Variants in SPATA6 observed in about 807,000 individuals in gnomAD.
SPATA6 encodes spermatogenesis associated 6.
SPATA6 carries 56 observed loss-of-function variants against 65.3 expected under a neutral mutation model. The observed-to-expected ratio is 0.86, with a 90% CI of 0.69 to 1.07. The LOEUF is 1.07. Among genes scored for constraint, SPATA6 ranks in the 50% least tolerant of loss-of-function variants. The probability of loss-of-function intolerance (pLI) is 0.00; values close to 1 mark genes in which losing one functional copy is unlikely to be tolerated. For missense variants in SPATA6, 590 were observed against 594.8 expected (o/e 0.99, Z 0.08); for synonymous variants, 199 against 213.2 (o/e 0.93, Z 0.58).
chr1:48,303,841 C>G (rs1421406305), intron 12 of SPATA6, among the ~76,000 whole-genome samples: 2 of 152,118 alleles, frequency 1.3e-5, no homozygotes, highest in African/African-American at 4.8e-5. Context: ...TCCAAGAGTT[C>G]TTAAATTGTT....
chr1:48,339,552 G>C (rs1646150558), intron 11 of SPATA6, among the ~76,000 whole-genome samples: 1 of 151,816 alleles, frequency 6.6e-6, no homozygotes, highest in African/African-American at 2.4e-5. Context: ...GAAAGTTTAA[G>C]ACTTGGAAAA....
At chr1:48,354,289 T>C (rs115677842) in intron 11 of SPATA6, among the ~76,000 whole-genome samples, 136 of 152,232 alleles carry the variant, frequency 8.9e-4, no homozygotes, top group African/African-American at 3.1e-3. Context: ...CCCACATTGG[T>C]AGTGGGAGTG....
At chr1:48,271,199 C>T in the SPATA6 span, among the ~76,000 whole-genome samples, 1 of 152,146 alleles carries the variant, frequency 6.6e-6, no homozygotes, top group African/African-American at 2.4e-5. Flanking sequence ...TAACATTATA[C>T]TTATCACCCC....
chr1:48,327,438 G>A (rs1231505338), intron 11 of SPATA6, among the ~76,000 whole-genome samples: 1 of 152,170 alleles, frequency 6.6e-6, no homozygotes, highest in African/African-American at 2.4e-5. Flanking sequence ...ACAGTATGGT[G>A]ACATGTTAAA....
chr1:48,357,369 C>T (rs760491909), intron 10 of SPATA6, among the ~76,000 whole-genome samples: 18 of 151,700 alleles, frequency 1.2e-4, no homozygotes, highest in Non-Finnish European at 4.4e-5. Flanking sequence ...TAAATGGGCA[C>T]AAAGCAAAAA....
intron 7 of SPATA6, among the ~76,000 whole-genome samples, chr1:48,398,238 G>C (rs1223877435): frequency 6.8e-6 from 1 of 146,500 alleles, no homozygotes; most frequent in African/African-American, 2.5e-5. Flanking sequence ...CCACTTAAAA[G>C]TATCCATTAT....
chr1:48,321,758 CAT>C (rs1385147120), intron 11 of SPATA6, among the ~76,000 whole-genome samples: 3 of 152,102 alleles, frequency 2.0e-5, no homozygotes, highest in African/African-American at 4.8e-5. Context: ...AAGGGTGAAT[CAT>C]ATGTCAGGCC....
At chr1:48,339,394 A>G (rs577818232) in intron 11 of SPATA6, among the ~76,000 whole-genome samples, 1 of 152,114 alleles carries the variant, frequency 6.6e-6, no homozygotes, top group East Asian at 1.9e-4. Context: ...AGTGGTACAC[A>G]AAGAGTCAGG....
chr1:48,349,373 C>A (rs1646455626), intron 11 of SPATA6, among the ~76,000 whole-genome samples: 1 of 151,930 alleles, frequency 6.6e-6, no homozygotes, highest in South Asian at 2.1e-4. Flanking sequence ...TTAGCCTTAC[C>A]ATATGCATTT....
At chr1:48,414,235 T>A (rs188324689) in intron 3 of SPATA6, among the ~76,000 whole-genome samples, 71 of 152,322 alleles carry the variant, frequency 4.7e-4, no homozygotes, top group African/African-American at 1.6e-3. Flanking sequence ...GGAGTTCTAC[T>A]AGGTTCTCAC....
At chr1:48,403,126 C>T (rs1388645301) in intron 6 of SPATA6, among the ~76,000 whole-genome samples, 1 of 152,032 alleles carries the variant, frequency 6.6e-6, no homozygotes, top group African/African-American at 2.4e-5. Context: ...CATGCCACTG[C>T]ACTCTACCCT....
intron 9 of SPATA6, among the ~76,000 whole-genome samples, chr1:48,374,062 A>G (rs1570359991): frequency 6.6e-6 from 1 of 152,342 alleles, no homozygotes; most frequent in East Asian, 1.9e-4. Flanking sequence ...GCTTAGAAGT[A>G]TGGGAAAGTG....
the SPATA6 span, among the ~76,000 whole-genome samples, chr1:48,267,220 G>A: frequency 5.2e-4 from 79 of 152,208 alleles, no homozygotes; most frequent in African/African-American, 1.8e-3. Flanking sequence ...CGGGCAGGTC[G>A]TGAGGCGGGC....
chr1:48,339,487 A>C (rs752305282), intron 11 of SPATA6, among the ~76,000 whole-genome samples: 41 of 152,160 alleles, frequency 2.7e-4, no homozygotes, highest in Admixed American at 4.6e-4. Flanking sequence ...AAGATCTTTA[A>C]AGTAATTAGG....
intron 3 of SPATA6, chr1:48,447,969 G>C (rs1214224063): frequency 6.6e-6 from 1 of 152,094 alleles, no homozygotes; most frequent in Admixed American, 6.6e-5. Context: ...CAGCCAATGA[G>C]ATTTATCCAA....
intron 3 of SPATA6, among the ~76,000 whole-genome samples, chr1:48,446,456 G>C (rs901053451): frequency 6.6e-6 from 1 of 152,166 alleles, no homozygotes; most frequent in Non-Finnish European, 1.5e-5. Context: ...GAAGCTACAA[G>C]GGCTTCAGAA....
chr1:48,285,448 C>G, the SPATA6 span, among the ~76,000 whole-genome samples: 1 of 147,866 alleles, frequency 6.8e-6, no homozygotes, highest in Non-Finnish European at 1.5e-5. Context: ...GGTTGTGTCT[C>G]ACTGACATTC....
At chr1:48,269,888 T>A in the SPATA6 span, among the ~76,000 whole-genome samples, 1 of 150,548 alleles carries the variant, frequency 6.6e-6, no homozygotes. Flanking sequence ...ATTTTACCTT[T>A]AAAAAAAAAG....
At chr1:48,336,163 T>A (rs976497924) in intron 11 of SPATA6, among the ~76,000 whole-genome samples, 1 of 151,972 alleles carries the variant, frequency 6.6e-6, no homozygotes, top group Non-Finnish European at 1.5e-5. Flanking sequence ...ACAAAAGGAA[T>A]GCCTATACAC....
Sources: allele counts gnomAD v4.1 joint callset (sites outside exome capture counted in the v4.1 genomes callset), GRCh38; gene constraint gnomAD v4.1.1; transcripts MANE v1.5; gene names NCBI Gene and HGNC (gene_info 2026-07-23, HGNC 2026-07-21).